STK32B: variants seen among roughly 807,000 people sequenced by gnomAD.
STK32B encodes the protein serine/threonine kinase 32B.
Under a neutral mutation model 52.6 loss-of-function variants are expected in STK32B, and 43 were observed. The ratio of observed to expected loss-of-function variants is 0.82; its 90% confidence interval spans 0.64 to 1.05. STK32B has a LOEUF of 1.05. Ranked by LOEUF, STK32B falls within the 50% of genes least tolerant of loss-of-function variation. The pLI is 0.00. For synonymous variants in STK32B, 238 were observed against 204.3 expected (o/e 1.17, Z -1.41); for missense variants, 621 against 534.6 (o/e 1.16, Z -1.59).
chr4:5,081,956 G>A (rs1015656751), intron 1 of STK32B, among the ~76,000 whole-genome samples: 26 of 152,146 alleles, frequency 1.7e-4, no homozygotes, highest in Admixed American at 7.2e-4. Flanking sequence ...TTGTTTGTTT[G>A]TTTGTTTCTG....
chr4:5,154,323 C>G (rs989572259), intron 2 of STK32B, among the ~76,000 whole-genome samples: 17 of 149,778 alleles, frequency 1.1e-4, no homozygotes, highest in African/African-American at 4.2e-4. Context: ...TCAAGTGATT[C>G]TGCTGCCTCA....
At chr4:5,041,199 G>T in the STK32B span, among the ~76,000 whole-genome samples, 7 of 152,136 alleles carry the variant, frequency 4.6e-5, no homozygotes, top group African/African-American at 1.7e-4. Context: ...CTTTTAAAGA[G>T]CTGTGACAGA....
intron 1 of STK32B, among the ~76,000 whole-genome samples, chr4:5,084,375 G>A (rs1454102111): frequency 6.6e-6 from 1 of 152,162 alleles, no homozygotes; most frequent in Non-Finnish European, 1.5e-5. Flanking sequence ...AACAGTGAAA[G>A]ATGGTTAATA....
rs551254643 is a variant in STK32B, at chr4:5,498,947, T to C, written c.1109T>C (p.Leu370Pro). Residue 370 changes from leucine to proline, a missense_variant and splice_region_variant, in exon 12 of 12, where the codon CTC (leucine) becomes CCC (proline). Coordinates refer to ENST00000282908, the MANE Select transcript of STK32B (RefSeq NM_018401.3). ...CTCAGATCTGTGCTTGTTTGCAGGC[T>C]CAGGAGGCAGCAGGGACAGGGCAGC... ...EEFIIFNREK[L>P]RRQQGQGSQL... is the part of the protein sequence containing the mutation. The C allele has an allele frequency of 6.2e-7, 1 of 1,611,718 alleles. No individual in the cohort carries two copies. The highest frequency in any genetic ancestry group is 8.5e-7 in the Non-Finnish European group (1 of 1,178,792).
chr4:5,179,770 TG>T (rs1300288730), intron 3 of STK32B, among the ~76,000 whole-genome samples: 1 of 152,222 alleles, frequency 6.6e-6, no homozygotes, highest in Admixed American at 6.5e-5. Context: ...AAAAGGGAAT[TG>T]GCTTTTATAA....
At chr4:5,083,331 T>C (rs1712540393) in intron 1 of STK32B, among the ~76,000 whole-genome samples, 1 of 152,196 alleles carries the variant, frequency 6.6e-6, no homozygotes. Context: ...ATGGAGTGTG[T>C]TGAACAAAGT....
At chr4:5,359,349 A>G (rs1325172616) in intron 4 of STK32B, among the ~76,000 whole-genome samples, 1 of 151,696 alleles carries the variant, frequency 6.6e-6, no homozygotes. Flanking sequence ...CCATCCACCC[A>G]TCCATCCACT....
chr4:5,352,346 A>G (rs1471866712), intron 4 of STK32B, among the ~76,000 whole-genome samples: 4 of 152,068 alleles, frequency 2.6e-5, no homozygotes. Flanking sequence ...AGGAAAAACA[A>G]ATGATCATCT....
chr4:5,200,253 C>CTT (rs35848579), intron 3 of STK32B, among the ~76,000 whole-genome samples: 7 of 142,330 alleles, frequency 4.9e-5, no homozygotes, highest in Admixed American at 1.4e-4. Context: ...CTCTTCTGCT[C>CTT]TTTTTTTTTT....
At chr4:5,235,523 G>A (rs1054091998) in intron 3 of STK32B, among the ~76,000 whole-genome samples, 2 of 152,146 alleles carry the variant, frequency 1.3e-5, no homozygotes, top group African/African-American at 2.4e-5. Flanking sequence ...ATAGCCTGTC[G>A]AATTAGCAAC....
chr4:5,465,569 T>C (rs964897291), intron 9 of STK32B, among the ~76,000 whole-genome samples: 1 of 152,190 alleles, frequency 6.6e-6, no homozygotes, highest in Admixed American at 6.5e-5. Flanking sequence ...GAATGGCCAG[T>C]TGTGGAACGG....
At chr4:5,358,946 A>G (rs1429946348) in intron 4 of STK32B, among the ~76,000 whole-genome samples, 3 of 152,172 alleles carry the variant, frequency 2.0e-5, no homozygotes, top group Admixed American at 6.5e-5. Context: ...TGAAGTCTGA[A>G]TAGGATTTTG....
intron 11 of STK32B, among the ~76,000 whole-genome samples, chr4:5,482,898 T>G (rs1239632411): frequency 6.6e-6 from 1 of 152,268 alleles, no homozygotes; most frequent in Non-Finnish European, 1.5e-5. Flanking sequence ...TTTATTGATT[T>G]GCATATGTTG....
At chr4:5,290,033 C>A (rs1358356945) in intron 3 of STK32B, among the ~76,000 whole-genome samples, 1 of 151,946 alleles carries the variant, frequency 6.6e-6, no homozygotes, top group Admixed American at 6.6e-5. Context: ...GTCAAGTAAC[C>A]CCCCGTGTCT....
At chr4:5,244,735 C>G (rs1224463607) in intron 3 of STK32B, among the ~76,000 whole-genome samples, 1 of 152,180 alleles carries the variant, frequency 6.6e-6, no homozygotes, top group Non-Finnish European at 1.5e-5. Context: ...TTTCCCTCTA[C>G]ACACTGCTTT....
chr4:5,346,110 T>A (rs1188287513), intron 4 of STK32B, among the ~76,000 whole-genome samples: 1 of 152,182 alleles, frequency 6.6e-6, no homozygotes, highest in African/African-American at 2.4e-5. Context: ...CCTGATATTT[T>A]GACAAAATTT....
chr4:5,483,007 T>G (rs1466884677), intron 11 of STK32B, among the ~76,000 whole-genome samples: 3 of 152,200 alleles, frequency 2.0e-5, no homozygotes, highest in Non-Finnish European at 4.4e-5. Context: ...TACTGAGGAT[T>G]TTTGCATCAA....
At chr4:5,136,847 C>G (rs765674863) in intron 1 of STK32B, among the ~76,000 whole-genome samples, 6 of 152,096 alleles carry the variant, frequency 3.9e-5, no homozygotes, top group African/African-American at 1.4e-4. Flanking sequence ...CAGGGAGATG[C>G]CAAATAAATA....
rs112441272 is a variant in STK32B, at chr4:5,058,256, C to G, written c.52+6341C>G. 1.2e-4 allele frequency among the ~76,000 whole-genome samples: 18 copies of G among 152,322 alleles called. No individual in the cohort carries two copies. Among genetic ancestry groups the G allele is most frequent in the African/African-American group, 4.1e-4 (17 of 41,570 alleles). ...TTCACCAACATCCTGTTCCCCTTTA[C>G]TTTTCATGCACACACACAAAATTAT... On this transcript the variant is annotated intron_variant, in intron 1 of 11. Transcript: ENST00000282908. The surrounding 1 kb of genome is among the most constrained non-coding windows in gnomAD (Gnocchi z 4.8).
Sources: allele counts gnomAD v4.1 joint callset (sites outside exome capture counted in the v4.1 genomes callset), GRCh38; gene constraint gnomAD v4.1.1; non-coding constraint Gnocchi (gnomAD v3.1); transcripts MANE v1.5; gene names NCBI Gene and HGNC (gene_info 2026-07-23, HGNC 2026-07-21).